PTBP1: variants seen among roughly 807,000 people sequenced by gnomAD.
PTBP1 encodes polypyrimidine tract-binding protein 1.
PTBP1 carries 8 observed loss-of-function variants against 59.8 expected under a neutral mutation model. The observed-to-expected ratio is 0.13, with a 90% CI of 0.08 to 0.24. The LOEUF is 0.24. Ranked by LOEUF, PTBP1 falls within the 10% of genes least tolerant of loss-of-function variation. PTBP1 has a pLI of 1.00. For missense variants in PTBP1, 686 were observed against 767.0 expected (o/e 0.89, Z 1.25); for synonymous variants, 490 against 320.7 (o/e 1.53, Z -5.64).
chr19:806,339 G>T, intron 9 of PTBP1, 69 bp from the exon 10 acceptor site: 1 of 1,490,332 alleles, frequency 6.7e-7, no homozygotes, highest in South Asian at 1.3e-5. Context: ...AGGACGGGGA[G>T]CGTCGGCCTC....
chr19:799,928 T>C (rs1457776690), intron 2 of PTBP1, among the ~76,000 whole-genome samples: 1 of 152,008 alleles, frequency 6.6e-6, no homozygotes, highest in African/African-American at 2.4e-5. Context: ...TTTGTTTTTG[T>C]TTTTGTTTTT....
chr19:809,224 A>C (rs62131355), intron 13 of PTBP1, among the ~76,000 whole-genome samples: 1 of 151,876 alleles, frequency 6.6e-6, no homozygotes, highest in African/African-American at 2.4e-5. Context: ...GGCCAGGCTG[A>C]TCTTGATCTC....
At chr19:810,388 T>C (rs956050163) in intron 13 of PTBP1, among the ~76,000 whole-genome samples, 155 bp from the exon 14 acceptor site, 2 of 152,178 alleles carry the variant, frequency 1.3e-5, no homozygotes, top group African/African-American at 4.8e-5. Context: ...CTTCAGACCA[T>C]TGTGGACATG....
chr19:797,476 C>G lies in PTBP1; in HGVS notation c.-22C>G. The G allele has an allele frequency of 1.3e-6, 2 of 1,595,662 alleles. No individual in the cohort carries two copies. Among genetic ancestry groups the G allele is most frequent in the Non-Finnish European group, 1.7e-6 (2 of 1,174,444 alleles). On this transcript the variant is annotated 5_prime_UTR_variant, in exon 1 of 15. Coordinates refer to ENST00000356948, the MANE Select transcript of PTBP1 (RefSeq NM_002819.5). ...TATTCCGGCGCCTCCACTCCGTCCC[C>G]CGCGGGTCTGCTCTGTGTGCCATGG...
intron 2 of PTBP1, among the ~76,000 whole-genome samples, chr19:801,585 C>G (rs987769043): frequency 1.3e-5 from 2 of 152,248 alleles, no homozygotes; most frequent in African/African-American, 4.8e-5. Context: ...GGCGCTTGGC[C>G]ACTCTCCAGC....
At chr19:803,426 G>A (rs1051438202) in intron 2 of PTBP1, 135 bp from the exon 3 acceptor site, 38 of 715,048 alleles carry the variant, frequency 5.3e-5, no homozygotes, top group Non-Finnish European at 7.2e-5. Context: ...CTGCCCTGCC[G>A]TGGAAGTGTG....
rs772757567 is a variant in PTBP1, at chr19:808,589, C to G, written c.1290C>G (p.Ile430Met). The change falls in exon 13 of 15, where the codon ATC becomes ATG. Residue 430 changes from isoleucine to methionine, a missense_variant. By Grantham distance (10) the Ile-to-Met change is conservative. Coordinates refer to ENST00000356948, the MANE Select transcript of PTBP1 (RefSeq NM_002819.5). This position sits in a 1 kb window ranked among gnomAD's most constrained non-coding sequence, Gnocchi z 4.7. Reference sequence around the variant, plus strand: ...GGCACAAGCTGCACGGGAAGCCCATCCGCATCACGCTCTCGAAGCACCAGA... The same window carrying G: ...GGCACAAGCTGCACGGGAAGCCCATGCGCATCACGCTCTCGAAGCACCAGA... ...LNGHKLHGKP[I>M]RITLSKHQNV... 13 of 1,606,480 alleles carry G rather than the reference C, an allele frequency of 8.1e-6. No homozygotes were observed. The highest frequency in any genetic ancestry group is 1.0e-5 in the Non-Finnish European group (12 of 1,177,962).
intron 13 of PTBP1, among the ~76,000 whole-genome samples, chr19:809,116 G>T (rs1259760927): frequency 6.6e-6 from 1 of 151,900 alleles, no homozygotes; most frequent in Non-Finnish European, 1.5e-5. Context: ...TCAAGTGATT[G>T]TGCCACCTCA....
chr19:797,461 C>A lies in PTBP1; in HGVS notation c.-37C>A, dbSNP rs1238603212. ...TGGGTCGGTTCCTGCTATTCCGGCG[C>A]CTCCACTCCGTCCCCCGCGGGTCTG... On this transcript the variant is annotated 5_prime_UTR_variant, in exon 1 of 15. Transcript: ENST00000356948. 40 of 1,599,012 alleles carry A rather than the reference C, an allele frequency of 2.5e-5. No homozygotes were observed. Among genetic ancestry groups the A allele is most frequent in the Non-Finnish European group, 3.4e-5 (40 of 1,175,418 alleles).
chr19:801,465 C>T (rs1305919097), intron 2 of PTBP1, among the ~76,000 whole-genome samples: 2 of 152,254 alleles, frequency 1.3e-5, no homozygotes, highest in South Asian at 2.1e-4. Flanking sequence ...TTCAGGCAGG[C>T]GGCCAAGAGG....
At position 808,794 on chromosome 19, in the gene PTBP1, G is replaced by T. The variant is rs762740842; in HGVS notation, c.1463+32G>T. The T allele has an allele frequency of 3.8e-6, 6 of 1,578,788 alleles. No individual in the cohort carries two copies. The highest frequency in any genetic ancestry group is 2.7e-5 in the African/African-American group (2 of 73,942). ...GCTGGGCCGGGGGGCTCATGGGGCCGGGGGCGGGCAAGGGCTCTGCTTGGC... is the reference window on the plus strand; with the variant it reads ...GCTGGGCCGGGGGGCTCATGGGGCCTGGGGCGGGCAAGGGCTCTGCTTGGC... On this transcript the variant is annotated intron_variant, in intron 13 of 14. Transcript: ENST00000356948. The surrounding 1 kb of genome is among the most constrained non-coding windows in gnomAD (Gnocchi z 4.7).
chr19:809,415 C>A (rs1056719463), intron 13 of PTBP1, among the ~76,000 whole-genome samples: 6 of 152,238 alleles, frequency 3.9e-5, no homozygotes, highest in Admixed American at 3.9e-4. Context: ...CTCCTGGGTT[C>A]ATGCCACTCT....
intron 9 of PTBP1, 75 bp from the exon 10 acceptor site, chr19:806,333 C>T (rs1006368423): frequency 6.9e-6 from 10 of 1,458,952 alleles, no homozygotes; most frequent in South Asian, 5.4e-5. Context: ...TGCATGAGGA[C>T]GGGGAGCGTC....
chr19:806,772 C>T lies in PTBP1; in HGVS notation c.1119+216C>T, dbSNP rs980008895. On this transcript the variant is annotated intron_variant, in intron 10 of 14. Coordinates refer to ENST00000356948, the MANE Select transcript of PTBP1 (RefSeq NM_002819.5). The stretch of plus-strand genomic sequence containing the variant: ...ACATCTTGGTTCGCGTTTTCTCTTG[C>T]ATGATACGCAGAATGAATTATTTTT... The T allele has an allele frequency of 2.3e-5, 11 of 483,576 alleles. No homozygotes were observed. The South Asian group carries it at 3.1e-4, about 14-fold the overall frequency. The allele number at this position is 483,576 out of a possible 1,614,324, so 30.0% of individuals were successfully genotyped here.
intron 2 of PTBP1, 68 bp from the exon 3 acceptor site, chr19:803,493 C>G: frequency 7.1e-7 from 1 of 1,404,102 alleles, no homozygotes; most frequent in Admixed American, 1.7e-5. Context: ...GGAGCAGGGC[C>G]GGCCGGTGGG....
intron 9 of PTBP1, chr19:806,077 C>T (rs1035272741): frequency 1.1e-5 from 3 of 283,818 alleles, no homozygotes; most frequent in East Asian, 7.4e-5. Context: ...GGCGCGCATG[C>T]GCGGTGGTCC....
Position 807,879 on chromosome 19 carries a change from C to T in PTBP1, c.1130C>T (p.Pro377Leu), listed in dbSNP as rs2034651960. Reference protein sequence around the residue: ...VSNLNPERVTPQSLFILFGVY... With the variant: ...VSNLNPERVTLQSLFILFGVY... ...CTGCTGTCTCTAAAGAGAGTCACAC[C>T]CCAAAGCCTCTTTATTCTTTTCGGT... The change falls in exon 11 of 15, where the codon CCC (proline) becomes CTC (leucine). Residue 377 changes from proline (P) to leucine (L), a missense_variant. Coordinates refer to ENST00000356948, the MANE Select transcript of PTBP1 (RefSeq NM_002819.5). 1 of 1,613,484 alleles carries T rather than the reference C, an allele frequency of 6.2e-7. No individual in the cohort carries two copies. Among genetic ancestry groups the T allele is most frequent in the East Asian group, 2.2e-5 (1 of 44,892 alleles).
chr19:807,324 C>A (rs748950228), intron 10 of PTBP1: 1 of 153,544 alleles, frequency 6.5e-6, no homozygotes, highest in African/African-American at 2.4e-5. Context: ...GAGGTGGCCG[C>A]GAGCGGAGCT....
At chr19:805,375 G>A in intron 8 of PTBP1, 117 bp from the exon 9 acceptor site, 1 of 1,220,052 alleles carries the variant, frequency 8.2e-7, no homozygotes, top group East Asian at 2.3e-5. Flanking sequence ...CAGCGGATCT[G>A]CCCGCGAAGG....
Sources: gnomAD v4.1 joint callset for allele counts (sites outside exome capture counted in the v4.1 genomes callset) on GRCh38, gnomAD v4.1.1 for gene constraint, Gnocchi (gnomAD v3.1) non-coding constraint, MANE v1.5 for transcripts, NCBI Gene and HGNC (gene_info 2026-07-23, HGNC 2026-07-21) for gene names.